SGCZ: variants seen among roughly 807,000 people sequenced by gnomAD.
The protein encoded by SGCZ is zeta-sarcoglycan.
A neutral mutation model predicts 41.3 loss-of-function variants in SGCZ; 40 were observed. That is an observed-to-expected ratio of 0.97 (90% CI 0.75 to 1.26). The LOEUF (loss-of-function observed/expected upper bound fraction) is 1.26. Ranked by LOEUF, SGCZ falls within the 50% of genes most tolerant of loss-of-function variation. The pLI is 0.00. For synonymous variants in SGCZ, 206 were observed against 137.5 expected (o/e 1.50, Z -3.49); for missense variants, 552 against 369.8 (o/e 1.49, Z -4.04).
chr8:15,123,776 A>G (rs76762985), intron 1 of SGCZ, among the ~76,000 whole-genome samples: 60 of 152,344 alleles, frequency 3.9e-4, no homozygotes, highest in African/African-American at 1.3e-3. Flanking sequence ...ACATAATGCG[A>G]TAAGCATAAC....
intron 1 of SGCZ, among the ~76,000 whole-genome samples, chr8:15,048,037 A>G (rs1239726039): frequency 6.6e-6 from 1 of 152,038 alleles, no homozygotes; most frequent in Non-Finnish European, 1.5e-5. Flanking sequence ...CTGTATTTCC[A>G]TATTCATTGC....
intron 1 of SGCZ, among the ~76,000 whole-genome samples, chr8:15,137,519 C>T (rs1808157460): frequency 6.6e-6 from 1 of 152,160 alleles, no homozygotes; most frequent in Admixed American, 6.5e-5. Context: ...AAAATGGTTT[C>T]CTGGGCTGGG....
chr8:14,810,739 T>C (rs1315013845), intron 1 of SGCZ, among the ~76,000 whole-genome samples: 1 of 152,030 alleles, frequency 6.6e-6, no homozygotes, highest in South Asian at 2.1e-4. Flanking sequence ...GCTATACTGA[T>C]AGTATTTTCA....
intron 1 of SGCZ, among the ~76,000 whole-genome samples, chr8:14,787,906 T>G (rs1032833662): frequency 1.3e-5 from 2 of 152,200 alleles, no homozygotes; most frequent in African/African-American, 4.8e-5. Flanking sequence ...AATGTTTCAG[T>G]ATCAAAGATA....
At chr8:14,413,283 G>A (rs915684903) in intron 2 of SGCZ, among the ~76,000 whole-genome samples, 5 of 151,946 alleles carry the variant, frequency 3.3e-5, no homozygotes, top group African/African-American at 1.2e-4. Context: ...GTTATTCTCA[G>A]GAAGTTCAGA....
chr8:14,846,946 C>T (rs1464468616), intron 1 of SGCZ, among the ~76,000 whole-genome samples: 2 of 151,962 alleles, frequency 1.3e-5, no homozygotes, highest in Non-Finnish European at 2.9e-5. Context: ...GTGGCACATG[C>T]CTGTAATCCC....
intron 1 of SGCZ, among the ~76,000 whole-genome samples, chr8:14,711,248 T>G (rs970934129): frequency 6.6e-6 from 1 of 151,942 alleles, no homozygotes. Context: ...TTAAATTCAG[T>G]TCTCCATCTC....
At chr8:14,095,088 T>C (rs1055856433) in intron 7 of SGCZ, among the ~76,000 whole-genome samples, 1 of 152,198 alleles carries the variant, frequency 6.6e-6, no homozygotes, top group Non-Finnish European at 1.5e-5. Flanking sequence ...CTATTCACTC[T>C]GATGATAGTT....
At chr8:14,349,140 G>C (rs1220601668) in intron 2 of SGCZ, among the ~76,000 whole-genome samples, 1 of 152,068 alleles carries the variant, frequency 6.6e-6, no homozygotes, top group Non-Finnish European at 1.5e-5. Flanking sequence ...ACATTCGTAT[G>C]TTGTCAGTAA....
At chr8:14,614,797 A>G (rs2117350486) in intron 1 of SGCZ, among the ~76,000 whole-genome samples, 1 of 152,274 alleles carries the variant, frequency 6.6e-6, no homozygotes, top group South Asian at 2.1e-4. Context: ...TGAAGCCCAG[A>G]GCATCTAATA....
chr8:15,079,900 G>T (rs1203215434), intron 1 of SGCZ, among the ~76,000 whole-genome samples: 1 of 151,898 alleles, frequency 6.6e-6, no homozygotes, highest in Non-Finnish European at 1.5e-5. Context: ...TCCCCTTTTG[G>T]AATCCCCAGT....
At chr8:14,724,897 T>C (rs1044201357) in intron 1 of SGCZ, among the ~76,000 whole-genome samples, 24 of 152,164 alleles carry the variant, frequency 1.6e-4, no homozygotes, top group African/African-American at 5.8e-4. Context: ...AATAAATTAT[T>C]GTCAACCATA....
intron 1 of SGCZ, among the ~76,000 whole-genome samples, chr8:15,077,673 C>A (rs1423852203): frequency 1.3e-5 from 2 of 152,098 alleles, no homozygotes; most frequent in Non-Finnish European, 2.9e-5. Context: ...AAACATGAAC[C>A]TTATCTTACT....
intron 3 of SGCZ, among the ~76,000 whole-genome samples, chr8:14,248,344 T>G (rs1000473380): frequency 5.3e-5 from 8 of 152,190 alleles, no homozygotes; most frequent in Non-Finnish European, 1.0e-4. Flanking sequence ...CTACCTATCA[T>G]GATGATGGTG....
chr8:15,106,240 T>G (rs1212448713), intron 1 of SGCZ, among the ~76,000 whole-genome samples: 2 of 152,160 alleles, frequency 1.3e-5, no homozygotes, highest in East Asian at 3.8e-4. Flanking sequence ...TATTAGCAAC[T>G]TATTAGTTGT....
chr8:14,245,893 T>C (rs1202930686), intron 3 of SGCZ, among the ~76,000 whole-genome samples: 2 of 152,130 alleles, frequency 1.3e-5, no homozygotes, highest in Non-Finnish European at 2.9e-5. Flanking sequence ...AAAACCACCA[T>C]GAGATACCAT....
At chr8:14,694,277 T>G (rs1379276816) in intron 1 of SGCZ, among the ~76,000 whole-genome samples, 1 of 152,222 alleles carries the variant, frequency 6.6e-6, no homozygotes, top group Non-Finnish European at 1.5e-5. Context: ...CAGTATAATT[T>G]TTCTTTTGTT....
intron 1 of SGCZ, among the ~76,000 whole-genome samples, chr8:14,798,315 C>A (rs1476841136): frequency 6.6e-6 from 1 of 152,146 alleles, no homozygotes; most frequent in Non-Finnish European, 1.5e-5. Flanking sequence ...AATCCTCTCC[C>A]CACGGTTACC....
intron 2 of SGCZ, among the ~76,000 whole-genome samples, chr8:14,390,350 A>C (rs1804725543): frequency 6.6e-6 from 1 of 151,868 alleles, no homozygotes; most frequent in Non-Finnish European, 1.5e-5. Flanking sequence ...ACATTGCTTT[A>C]ATCAACTGTG....
Sources: allele counts gnomAD v4.1 joint callset (sites outside exome capture counted in the v4.1 genomes callset), GRCh38; gene constraint gnomAD v4.1.1; transcripts MANE v1.5; gene names NCBI Gene and HGNC (gene_info 2026-07-23, HGNC 2026-07-21).